The following FRY variants were observed in gnomAD, a reference collection of about 807,000 sequenced individuals.
The protein encoded by FRY is FRY microtubule binding protein, also known as protein furry homolog.
In FRY, 128 loss-of-function variants were observed where a neutral mutation model predicts 348.4. The ratio of observed to expected loss-of-function variants is 0.37; its 90% CI spans 0.32 to 0.43. FRY has a LOEUF of 0.43. FRY is among the 20% of genes least tolerant of loss of function. The pLI, the probability that FRY is intolerant of heterozygous loss-of-function variation, is 1.00. For missense variants in FRY, 2,736 were observed against 3,695.2 expected, an observed-to-expected ratio of 0.74 and a Z score of 6.73; for synonymous variants, 1,370 against 1,374.7, an observed-to-expected ratio of 1.00 and a Z score of 0.08.
chr13:32,073,898 G>T (rs1407085247), intron 1 of FRY, among the ~76,000 whole-genome samples: 1 of 152,154 alleles, frequency 6.6e-6, no homozygotes, highest in Admixed American at 6.5e-5. Context: ...TGAACTATGA[G>T]CTGTGGAGGT....
Position 32,262,312 on chromosome 13 carries a change from A to G in FRY, c.7618-2A>G. On this transcript the variant is annotated splice_acceptor_variant, in intron 52 of 60. Transcript: ENST00000542859. LOFTEE classifies it high-confidence loss of function. Reference sequence around the variant, plus strand: ...GTTTAATTTCCTTTGCTTTTTAAACAGATCATGACTCTCTCCCCCTCTGAA... The same window carrying G: ...GTTTAATTTCCTTTGCTTTTTAAACGGATCATGACTCTCTCCCCCTCTGAA... 1 of 1,612,598 alleles carries G rather than the reference A, an allele frequency of 6.2e-7. No individual in the cohort carries two copies. The highest frequency in any genetic ancestry group is 8.5e-7 in the Non-Finnish European group (1 of 1,178,632).
chr13:32,194,349 T>A, intron 29 of FRY, 52 bp downstream of exon 29: 3 of 1,522,478 alleles, frequency 2.0e-6, no homozygotes, highest in Non-Finnish European at 2.7e-6. Context: ...AGGGTTACTT[T>A]TTGTGATATG....
At position 32,224,322 on chromosome 13, in the gene FRY, G is replaced by C; in HGVS notation, c.4853G>C (p.Gly1618Ala). 6.2e-7 allele frequency: 1 copy of C among 1,614,062 alleles called. No homozygotes were observed. Among genetic ancestry groups the C allele is most frequent in the Non-Finnish European group, 8.5e-7 (1 of 1,179,974 alleles). Residue 1618 changes from glycine (G) to alanine (A), a missense_variant, in exon 37 of 61, where the codon GGA becomes GCA. By Grantham distance (60) the Gly-to-Ala change is moderately conservative. Around this residue, in one of 9 missense-constraint regions of FRY, gnomAD observed 794 missense variants for 977.0 expected, o/e 0.81. Transcript: ENST00000542859. The part of the protein sequence containing the change: ...PQPLPMPCTG[G>A]CWAPLVDYLP... The stretch of plus-strand genomic sequence containing the variant: ...CCCTTACCGATGCCTTGTACTGGAG[G>C]ATGCTGGGCCCCCCTGGTTGACTAT...
At chr13:32,120,264 C>T (rs749520161) in intron 4 of FRY, among the ~76,000 whole-genome samples, 11 of 152,084 alleles carry the variant, frequency 7.2e-5, no homozygotes, top group Non-Finnish European at 1.5e-4. Context: ...ATAGAAGAGG[C>T]ATAATTTTAT....
chr13:32,035,803 T>C (rs1872482243), intron 1 of FRY, among the ~76,000 whole-genome samples: 1 of 152,200 alleles, frequency 6.6e-6, no homozygotes, highest in African/African-American at 2.4e-5. Flanking sequence ...AATGAACTGC[T>C]CTGGGGAACT....
intron 35 of FRY, among the ~76,000 whole-genome samples, chr13:32,217,543 G>A (rs994232874): frequency 3.3e-5 from 5 of 152,124 alleles, no homozygotes; most frequent in Admixed American, 2.0e-4. Context: ...TTATTATGAT[G>A]CCCTTTTTGC....
intron 12 of FRY, 38 bp from the exon 13 acceptor site, chr13:32,147,801 A>C (rs1365266642): frequency 7.2e-6 from 8 of 1,109,792 alleles, no homozygotes; most frequent in Non-Finnish European, 9.7e-6. Flanking sequence ...GAGCTCAGCC[A>C]ATCTTGCTTG....
chr13:32,179,857 C>A (rs574196410), intron 23 of FRY, 58 bp downstream of exon 23: 2 of 1,532,500 alleles, frequency 1.3e-6, no homozygotes, highest in African/African-American at 2.7e-5. Context: ...ATTGTAGTTC[C>A]TTTATTAACT....
intron 2 of FRY, among the ~76,000 whole-genome samples, chr13:32,082,221 T>TAAAA (rs3065538): frequency 1.1e-4 from 16 of 140,768 alleles, no homozygotes; most frequent in Middle Eastern, 3.6e-3. Flanking sequence ...TAGCCAACTT[T>TAAAA]AAAAAAAAAA....
At chr13:32,172,617 G>T (rs1037239946) in intron 18 of FRY, among the ~76,000 whole-genome samples, 7 of 152,156 alleles carry the variant, frequency 4.6e-5, no homozygotes, top group Admixed American at 1.3e-4. Context: ...TGGAGAAAGG[G>T]GTCTGGCTGG....
chr13:32,276,903 C>A (rs1453911883), intron 57 of FRY, among the ~76,000 whole-genome samples: 3 of 152,150 alleles, frequency 2.0e-5, no homozygotes, highest in African/African-American at 7.2e-5. Context: ...TTAGCCTCAC[C>A]CAAAACTAGT....
intron 2 of FRY, among the ~76,000 whole-genome samples, chr13:32,090,697 T>C (rs1248966573): frequency 6.6e-6 from 1 of 152,134 alleles, no homozygotes; most frequent in Non-Finnish European, 1.5e-5. Context: ...CATTTCTTAG[T>C]AGCTGCTGTA....
At chr13:32,212,171 T>TA (rs1396701418) in intron 34 of FRY, 121 bp from the exon 35 acceptor site, 4 of 686,482 alleles carry the variant, frequency 5.8e-6, no homozygotes, top group African/African-American at 3.6e-5. Context: ...GCAGAAGATG[T>TA]AAAAAATCTT....
chr13:32,259,955 T>C (rs1887544117), intron 51 of FRY, among the ~76,000 whole-genome samples: 1 of 152,210 alleles, frequency 6.6e-6, no homozygotes, highest in Non-Finnish European at 1.5e-5. Flanking sequence ...CAAACACCCC[T>C]AAGAGCAATC....
At chr13:32,051,674 T>C (rs1484791114) in intron 1 of FRY, among the ~76,000 whole-genome samples, 1 of 152,248 alleles carries the variant, frequency 6.6e-6, no homozygotes, top group Non-Finnish European at 1.5e-5. Context: ...CTCACATGGA[T>C]GTGGTTTTAA....
chr13:32,208,959 C>T lies in FRY; in HGVS notation c.4125C>T (p.Leu1375=), dbSNP rs1314151623. ...HNIELVDSRL[L]LPGSSPSSPE... ...TCGAGCTGGTGGACAGCAGGCTCCT[C>T]CTCCCGGGGTCGAGCCCCAGCAGCC... is the stretch of plus-strand genomic sequence containing the variant. The change falls in exon 32 of 61, where the codon CTC becomes CTT. Residue 1375 remains leucine, a synonymous_variant. Coordinates refer to ENST00000542859, the MANE Select transcript of FRY (RefSeq NM_023037.3). The T allele has an allele frequency of 1.2e-6, 2 of 1,614,180 alleles. No individual in the cohort carries two copies. Among genetic ancestry groups the T allele is most frequent in the Admixed American group, 1.7e-5 (1 of 60,016 alleles).
At chr13:32,155,029 C>T (rs1460466796) in intron 14 of FRY, among the ~76,000 whole-genome samples, 3 of 152,308 alleles carry the variant, frequency 2.0e-5, no homozygotes, top group South Asian at 4.1e-4. Context: ...GAAGTCAGGA[C>T]GTGCAGTTGA....
In FRY at chr13:32,237,386, T is replaced by G. The variant is rs757764179; in HGVS notation, c.5818T>G (p.Ser1940Ala). 6.2e-7 allele frequency: 1 copy of G among 1,613,998 alleles called. No homozygotes were observed. The highest frequency in any genetic ancestry group is 2.2e-5 in the East Asian group (1 of 44,870). ...DLLTVLSRSSSPDLSSSSKLT... is the reference protein window; with the variant it reads ...DLLTVLSRSSAPDLSSSSKLT... ...ATTTATTTTTATACCCAGCTCTTCC[T>G]CACCAGATTTAAGCTCCAGCAGTAA... Residue 1940 changes from serine (S) to alanine (A), a missense_variant, in exon 44 of 61, where the codon TCA (serine) becomes GCA (alanine). This residue lies in a region of FRY where 794 missense variants were observed against 977.0 expected (regional missense o/e 0.81). Transcript: ENST00000542859. This position sits in a 1 kb window ranked among gnomAD's most constrained non-coding sequence, Gnocchi z 6.3.
chr13:32,109,798 A>G (rs553755362), intron 3 of FRY, among the ~76,000 whole-genome samples: 2 of 152,372 alleles, frequency 1.3e-5, no homozygotes, highest in African/African-American at 4.8e-5. Context: ...CAAGAAAAAT[A>G]ACGGGTTCAG....
Sources: gnomAD v4.1 joint callset for allele counts (sites outside exome capture counted in the v4.1 genomes callset) on GRCh38, gnomAD v4.1.1 for gene constraint, gnomAD v4.1.1 regional missense constraint, Gnocchi (gnomAD v3.1) non-coding constraint, MANE v1.5 for transcripts, NCBI Gene and HGNC (gene_info 2026-07-23, HGNC 2026-07-21) for gene names.